Variants in C1QTNF3 observed in about 807,000 individuals in gnomAD.
C1QTNF3 encodes complement C1q tumor necrosis factor-related protein 3.
Under a neutral mutation model 32.6 loss-of-function variants are expected in C1QTNF3, and 26 were observed. The observed-to-expected ratio is 0.80, with a 90% confidence interval of 0.58 to 1.11. The LOEUF (loss-of-function observed/expected upper bound fraction) is 1.11, where lower values mean the gene tolerates loss of function less well. Among genes scored for constraint, C1QTNF3 ranks in the 50% least tolerant of loss-of-function variants. The pLI is 0.00. For synonymous variants in C1QTNF3, 155 were observed against 146.0 expected (o/e 1.06, Z -0.44); for missense variants, 362 against 398.2 (o/e 0.91, Z 0.77).
chr5:34,067,671 G>A, the C1QTNF3 span, among the ~76,000 whole-genome samples: 2 of 152,186 alleles, frequency 1.3e-5, no homozygotes, highest in African/African-American at 4.8e-5. Context: ...AATTCAAGAT[G>A]AGATTTGGAT....
At chr5:34,035,223 C>T (rs1016445541) in intron 2 of C1QTNF3, among the ~76,000 whole-genome samples, 1 of 152,102 alleles carries the variant, frequency 6.6e-6, no homozygotes, top group Non-Finnish European at 1.5e-5. Flanking sequence ...GTACTGGAGC[C>T]TAAAAATGTT....
At chr5:34,235,702 AT>A in the C1QTNF3 span, among the ~76,000 whole-genome samples, 2 of 151,206 alleles carry the variant, frequency 1.3e-5, no homozygotes, top group African/African-American at 4.9e-5. Context: ...AGTTTCAATA[AT>A]TTTTTTTCAC....
At chr5:34,025,581 G>A (rs560216472) in intron 4 of C1QTNF3, among the ~76,000 whole-genome samples, 37 of 152,232 alleles carry the variant, frequency 2.4e-4, no homozygotes, top group African/African-American at 4.3e-4. Context: ...AGCCTTCTCC[G>A]TCTCTTCACT....
At chr5:34,214,632 C>G in the C1QTNF3 span, among the ~76,000 whole-genome samples, 2 of 152,018 alleles carry the variant, frequency 1.3e-5, no homozygotes, top group African/African-American at 4.8e-5. Context: ...GTATAGCACA[C>G]CTTTTATCTC....
At chr5:34,179,720 C>T in the C1QTNF3 span, among the ~76,000 whole-genome samples, 6 of 152,226 alleles carry the variant, frequency 3.9e-5, no homozygotes, top group African/African-American at 1.4e-4. Context: ...GGACTGAACA[C>T]TGCCAAAAAT....
At chr5:34,155,683 T>C in the C1QTNF3 span, among the ~76,000 whole-genome samples, 10 of 152,324 alleles carry the variant, frequency 6.6e-5, no homozygotes, top group South Asian at 2.1e-3. Flanking sequence ...GGAAGATTTT[T>C]AAAAATCTAA....
chr5:34,077,326 C>T, the C1QTNF3 span, among the ~76,000 whole-genome samples: 1 of 151,554 alleles, frequency 6.6e-6, no homozygotes, highest in South Asian at 2.1e-4. Flanking sequence ...AGCCAAATGA[C>T]AACTTTGTGA....
At chr5:34,056,466 A>G in the C1QTNF3 span, among the ~76,000 whole-genome samples, 5 of 108,306 alleles carry the variant, frequency 4.6e-5, no homozygotes, top group South Asian at 6.8e-4. Context: ...ATATATATAT[A>G]TATATATATA....
the C1QTNF3 span, among the ~76,000 whole-genome samples, chr5:34,228,788 G>T: frequency 6.6e-6 from 1 of 151,688 alleles, no homozygotes; most frequent in Non-Finnish European, 1.5e-5. Context: ...TATGCTTAAG[G>T]TTACATTTAA....
the C1QTNF3 span, among the ~76,000 whole-genome samples, chr5:34,091,381 GT>G: frequency 1.3e-5 from 2 of 152,200 alleles, no homozygotes; most frequent in Non-Finnish European, 2.9e-5. Flanking sequence ...TCATTGTTTT[GT>G]TTATTTTGTT....
At chr5:34,172,193 A>G in the C1QTNF3 span, among the ~76,000 whole-genome samples, 2 of 152,150 alleles carry the variant, frequency 1.3e-5, no homozygotes, top group East Asian at 3.8e-4. Flanking sequence ...ATACTGTACT[A>G]TGTATTTTTT....
the C1QTNF3 span, among the ~76,000 whole-genome samples, chr5:34,129,686 C>T: frequency 6.6e-6 from 1 of 151,704 alleles, no homozygotes; most frequent in Non-Finnish European, 1.5e-5. Context: ...GCTGAATGAA[C>T]CTTTCTTTAA....
rs879766202 is a variant in C1QTNF3, at chr5:34,018,774, T to C, written c.*1809A>G. ...CATTATGTGAAACAGTTCTACACCA[T>C]ATTACATCCCTGAAGCAAGCAGAAA... On this transcript the variant is annotated 3_prime_UTR_variant, in exon 6 of 6. Transcript: ENST00000382065. 6.6e-6 allele frequency among the ~76,000 whole-genome samples: 1 copy of C among 152,228 alleles called. No individual in the cohort carries two copies. Among genetic ancestry groups the C allele is most frequent in the Non-Finnish European group, 1.5e-5 (1 of 68,036 alleles).
the C1QTNF3 span, among the ~76,000 whole-genome samples, chr5:34,157,413 T>C: frequency 1.6e-4 from 25 of 152,230 alleles, no homozygotes; most frequent in African/African-American, 5.8e-4. Context: ...GCTCTATTAC[T>C]GAAATCACAC....
At chr5:34,154,598 GAATA>G in the C1QTNF3 span, among the ~76,000 whole-genome samples, 3 of 152,060 alleles carry the variant, frequency 2.0e-5, no homozygotes, top group Non-Finnish European at 2.9e-5. Flanking sequence ...CAAATCAATT[GAATA>G]AATAAATACA....
upstream of C1QTNF3, chr5:34,043,675 A>G (rs1362195307): frequency 6.5e-6 from 1 of 153,032 alleles, no homozygotes; most frequent in African/African-American, 2.4e-5. Flanking sequence ...GGCCCACTTA[A>G]GGTAACTCAT....
the C1QTNF3 span, among the ~76,000 whole-genome samples, chr5:34,197,668 G>T: frequency 6.6e-6 from 1 of 152,128 alleles, no homozygotes; most frequent in Non-Finnish European, 1.5e-5. Context: ...TTGCTGTCAT[G>T]TTGTTGACCC....
the C1QTNF3 span, among the ~76,000 whole-genome samples, chr5:34,146,513 CACACTT>C: frequency 6.6e-6 from 1 of 152,164 alleles, no homozygotes; most frequent in Non-Finnish European, 1.5e-5. Context: ...AATAAAGACT[CACACTT>C]ACAATCACCT....
the C1QTNF3 span, among the ~76,000 whole-genome samples, chr5:34,113,339 C>T: frequency 6.6e-6 from 1 of 150,692 alleles, no homozygotes; most frequent in Non-Finnish European, 1.5e-5. Context: ...CAGGCAGATT[C>T]GGTGAACAAG....
Sources: allele counts gnomAD v4.1 joint callset (sites outside exome capture counted in the v4.1 genomes callset), GRCh38; gene constraint gnomAD v4.1.1; transcripts MANE v1.5; gene names NCBI Gene and HGNC (gene_info 2026-07-23, HGNC 2026-07-21).